The following GORASP2 variants were observed in gnomAD, a reference collection of about 807,000 sequenced individuals.
GORASP2 encodes the protein Golgi reassembly-stacking protein 2.
GORASP2 carries 22 observed loss-of-function variants against 45.7 expected under a neutral mutation model. That is an observed-to-expected ratio of 0.48 (90% CI 0.34 to 0.69). The LOEUF (loss-of-function observed/expected upper bound fraction) is 0.69, where lower values mean the gene tolerates loss of function less well. Among genes scored for constraint, GORASP2 ranks in the 30% least tolerant of loss-of-function variants. The pLI, the probability that GORASP2 is intolerant of heterozygous loss-of-function variation, is 0.01. For synonymous variants in GORASP2, 221 were observed against 215.6 expected (o/e 1.02, Z -0.22); for missense variants, 491 against 562.7 (o/e 0.87, Z 1.29).
intron 1 of GORASP2, among the ~76,000 whole-genome samples, chr2:170,941,348 TAAG>T (rs1450890797): frequency 6.6e-6 from 1 of 152,290 alleles, no homozygotes; most frequent in Admixed American, 6.5e-5. Flanking sequence ...CGTGTGGCCC[TAAG>T]AAGAATTGGA....
chr2:170,949,580 C>A lies in GORASP2; in HGVS notation c.186C>A (p.Asn62Lys). 6.2e-7 allele frequency: 1 copy of A among 1,613,764 alleles called. No homozygotes were observed. The highest frequency in any genetic ancestry group is 8.5e-7 in the Non-Finnish European group (1 of 1,179,706). ...NDTLKDLLKA[N>K]VEKPVKMLIY... ...CTCTTAAGGATCTGCTGAAAGCAAACGTTGAAAAGCCTGTAAAGATGCTTA... is the reference window on the plus strand; with the variant it reads ...CTCTTAAGGATCTGCTGAAAGCAAAAGTTGAAAAGCCTGTAAAGATGCTTA... The change falls in exon 3 of 10, where the codon AAC becomes AAA. Residue 62 changes from asparagine to lysine, a missense_variant. Coordinates refer to ENST00000234160, the MANE Select transcript of GORASP2 (RefSeq NM_015530.5).
At chr2:170,957,628 T>G (rs1045128823) in intron 7 of GORASP2, among the ~76,000 whole-genome samples, 5 of 152,226 alleles carry the variant, frequency 3.3e-5, no homozygotes, top group African/African-American at 1.2e-4. Flanking sequence ...TTTTGTTTGT[T>G]TTGGGTTTTA....
Position 170,936,347 on chromosome 2 carries a change from C to T in GORASP2, c.63+6944C>T, listed in dbSNP as rs370414404. ...GCTCAATTAATCCTTTTATCTCAGC[C>T]TCCTGAGTAGCTTACAGGCATATGC... On this transcript the variant is annotated intron_variant, in intron 1 of 9. Transcript: ENST00000234160. Among the ~76,000 whole-genome samples, 15 of 151,088 alleles carry T rather than the reference C, an allele frequency of 9.9e-5. No homozygotes were observed. The East Asian group carries it at 1.6e-3, about 16-fold the overall frequency.
chr2:170,965,740 T>C (rs1704669100), intron 9 of GORASP2, 50 bp from the exon 10 acceptor site: 1 of 1,250,164 alleles, frequency 8.0e-7, no homozygotes, highest in South Asian at 1.2e-5. Context: ...CAATGCCTGC[T>C]GTCCTTTCAG....
At chr2:170,942,236 A>G (rs1378528903) in intron 1 of GORASP2, among the ~76,000 whole-genome samples, 1 of 152,204 alleles carries the variant, frequency 6.6e-6, no homozygotes, top group East Asian at 1.9e-4. Flanking sequence ...TAAAAGTTAC[A>G]TACCAGAAAG....
chr2:170,962,838 G>A lies in GORASP2; in HGVS notation c.911-1G>A. The A allele has an allele frequency of 6.2e-7, 1 of 1,603,948 alleles. No individual in the cohort carries two copies. The highest frequency in any genetic ancestry group is 8.5e-7 in the Non-Finnish European group (1 of 1,170,886). On this transcript the variant is annotated splice_acceptor_variant, in intron 8 of 9. Transcript: ENST00000234160. LOFTEE classifies it high-confidence loss of function. ...TTTTTTCTTTTCTGCCTTCTCTTCA[G>A]GTCTGATGCCTTTACCAGCAGGACT...
At chr2:170,930,686 A>C (rs1481023891) in intron 1 of GORASP2, among the ~76,000 whole-genome samples, 1 of 152,172 alleles carries the variant, frequency 6.6e-6, no homozygotes, top group Non-Finnish European at 1.5e-5. Context: ...GGGAGCCTAT[A>C]AATAAACCGT....
Position 170,965,953 on chromosome 2 carries a change from C to T in GORASP2, c.1182C>T (p.Pro394=). 6.2e-7 allele frequency: 1 copy of T among 1,614,008 alleles called. No homozygotes were observed. Among genetic ancestry groups the T allele is most frequent in the Non-Finnish European group, 8.5e-7 (1 of 1,179,984 alleles). ...CCCTCCCGCCCACCAGCAACGCACCCTCCGACCCTGCCACAACTACTGCAA... is the reference window on the plus strand; with the variant it reads ...CCCTCCCGCCCACCAGCAACGCACCTTCCGACCCTGCCACAACTACTGCAA... ...LSSLPPTSNA[P]SDPATTTAKA... is the part of the protein sequence containing the mutation. The change falls in exon 10 of 10, where the codon CCC becomes CCT. Residue 394 remains proline, a synonymous_variant. Coordinates refer to ENST00000234160, the MANE Select transcript of GORASP2 (RefSeq NM_015530.5).
At chr2:170,952,742 C>T (rs937808485) in intron 5 of GORASP2, among the ~76,000 whole-genome samples, 1 of 152,220 alleles carries the variant, frequency 6.6e-6, no homozygotes, top group Non-Finnish European at 1.5e-5. Context: ...GGAGCACAAT[C>T]ATAGTTCACT....
rs1704376054 is a variant in GORASP2, at chr2:170,954,525, A to C, written c.567-125A>C. On this transcript the variant is annotated intron_variant, in intron 5 of 9. Coordinates refer to ENST00000234160, the MANE Select transcript of GORASP2 (RefSeq NM_015530.5). ...TTTTTATCTTTTAAAATCTCAAAGA[A>C]GGGAGTGCATGTTCAGGGCAACTTG... The C allele has an allele frequency of 1.5e-5, 10 of 657,174 alleles. No individual in the cohort carries two copies. In the South Asian group the frequency reaches 2.0e-4, roughly 13 times the overall value. The allele number at this position is 657,174 out of a possible 1,614,324, so 40.7% of individuals were successfully genotyped here.
chr2:170,936,561 A>G, intron 1 of GORASP2: 1 of 1,009,080 alleles, frequency 9.9e-7, no homozygotes, highest in African/African-American at 1.7e-5. Flanking sequence ...CCCTGTTGGC[A>G]TTGCAAATAA....
intron 1 of GORASP2, among the ~76,000 whole-genome samples, chr2:170,941,987 C>T (rs1346915344): frequency 6.6e-6 from 1 of 152,092 alleles, no homozygotes; most frequent in Non-Finnish European, 1.5e-5. Flanking sequence ...TTCTAAATGT[C>T]CTACGTCCTC....
At chr2:170,957,940 C>T (rs941931676) in intron 7 of GORASP2, among the ~76,000 whole-genome samples, 2 of 152,092 alleles carry the variant, frequency 1.3e-5, no homozygotes, top group African/African-American at 4.8e-5. Flanking sequence ...ATTACAGGTG[C>T]GAGTCATGGC....
chr2:170,929,539 C>G, intron 1 of GORASP2, 136 bp downstream of exon 1: 1 of 753,430 alleles, frequency 1.3e-6, no homozygotes, highest in Non-Finnish European at 2.0e-6. Flanking sequence ...CGGGCGCTGC[C>G]TTGGTCGAGG....
intron 1 of GORASP2, 118 bp downstream of exon 1, chr2:170,929,521 G>A: frequency 1.2e-6 from 1 of 833,132 alleles, no homozygotes; most frequent in Non-Finnish European, 1.7e-6. Context: ...GCGAAGGAGC[G>A]GCGGTCGCGG....
At chr2:170,947,908 C>A (rs1704213994) in intron 1 of GORASP2, among the ~76,000 whole-genome samples, 1 of 152,062 alleles carries the variant, frequency 6.6e-6, no homozygotes, top group Non-Finnish European at 1.5e-5. Flanking sequence ...ATCCCTTGAG[C>A]CCAGGAGTTC....
chr2:170,965,094 T>A (rs1161915527), intron 9 of GORASP2, among the ~76,000 whole-genome samples: 1 of 151,272 alleles, frequency 6.6e-6, no homozygotes, highest in African/African-American at 2.4e-5. Context: ...TACTTTTTTT[T>A]AGTAGAGACG....
At position 170,966,811 on chromosome 2, in the gene GORASP2, A is replaced by G. The variant is rs1704697640; in HGVS notation, c.*681A>G. On this transcript the variant is annotated 3_prime_UTR_variant, in exon 10 of 10. Coordinates refer to ENST00000234160, the MANE Select transcript of GORASP2 (RefSeq NM_015530.5). ...CTTATAAAGTGACATTTCAAAAGAA[A>G]TAAGGTGCCACAGTTTTAAACCAGA... 6.5e-6 allele frequency: 1 copy of G among 152,776 alleles called. No individual in the cohort carries two copies. Among genetic ancestry groups the G allele is most frequent in the African/African-American group, 2.4e-5 (1 of 41,456 alleles). The allele number at this position is 152,776 out of a possible 1,614,324, so 9.5% of individuals were successfully genotyped here.
Position 170,949,712 on chromosome 2 carries a change from T to C in GORASP2, c.318T>C (p.Asp106=). 6.2e-7 allele frequency: 1 copy of C among 1,613,944 alleles called. No homozygotes were observed. Among genetic ancestry groups the C allele is most frequent in the Non-Finnish European group, 8.5e-7 (1 of 1,179,812 alleles). Residue 106 remains aspartate (D), a synonymous_variant, in exon 3 of 10, where the codon GAT becomes GAC. Transcript: ENST00000234160. ...TGAGCATTCGTTTCTGCAGCTTTGATGGGGCAAATGAAAATGTTTGGCATG... is the reference window on the plus strand; with the variant it reads ...TGAGCATTCGTTTCTGCAGCTTTGACGGGGCAAATGAAAATGTTTGGCATG... ...LGVSIRFCSF[D]GANENVWHVL... is the part of the protein sequence containing the mutation.
Sources: allele counts gnomAD v4.1 joint callset (sites outside exome capture counted in the v4.1 genomes callset), GRCh38; gene constraint gnomAD v4.1.1; transcripts MANE v1.5; gene names NCBI Gene and HGNC (gene_info 2026-07-23, HGNC 2026-07-21).